Variants in PRKAA2 observed in about 807,000 individuals in gnomAD.
The protein encoded by PRKAA2 is 5'-AMP-activated protein kinase catalytic subunit alpha-2.
A neutral mutation model predicts 56.3 loss-of-function variants in PRKAA2; 40 were observed. The ratio of observed to expected loss-of-function variants is 0.71; its 90% confidence interval spans 0.55 to 0.92. PRKAA2 has a LOEUF of 0.92. Among genes scored for constraint, PRKAA2 ranks in the 40% least tolerant of loss-of-function variants. PRKAA2 has a pLI of 0.00. For missense variants in PRKAA2, 542 were observed against 686.9 expected (o/e 0.79, Z 2.36); for synonymous variants, 214 against 234.2 (o/e 0.91, Z 0.79).
chr1:56,680,219 T>G (rs1240075685), intron 2 of PRKAA2, among the ~76,000 whole-genome samples: 2 of 152,178 alleles, frequency 1.3e-5, no homozygotes, highest in African/African-American at 4.8e-5. Context: ...AGGCTCTAAC[T>G]CCTCTTTGCT....
intron 1 of PRKAA2, among the ~76,000 whole-genome samples, chr1:56,654,767 AG>A (rs1187170605): frequency 6.6e-6 from 1 of 152,122 alleles, no homozygotes; most frequent in East Asian, 1.9e-4. Context: ...CACCCCTTCA[AG>A]GGAACAGTAT....
intron 2 of PRKAA2, among the ~76,000 whole-genome samples, chr1:56,680,511 C>A (rs1409449084): frequency 1.3e-5 from 2 of 152,162 alleles, no homozygotes; most frequent in Non-Finnish European, 2.9e-5. Flanking sequence ...CTCCCCTCTC[C>A]TGCCACCCCA....
chr1:56,670,900 G>A (rs1258257781), intron 1 of PRKAA2, among the ~76,000 whole-genome samples: 1 of 152,058 alleles, frequency 6.6e-6, no homozygotes. Context: ...TACTGTACAA[G>A]ATTTATTTCA....
intron 1 of PRKAA2, among the ~76,000 whole-genome samples, chr1:56,659,340 AC>A (rs1297235465): frequency 7.3e-5 from 11 of 151,542 alleles, no homozygotes; most frequent in Non-Finnish European, 1.6e-4. Flanking sequence ...TACTAAAAAT[AC>A]AAAAAATGAG....
chr1:56,655,260 T>TTATATACA lies in PRKAA2; in HGVS notation c.94+9785_94+9786insCATATATA, dbSNP rs368198472. Reference sequence around the variant, plus strand: ...TTACTGTTTCTCACAATGTATGTATTTATATATCTATATATATATATTTTT... The same window carrying TTATATACA: ...TTACTGTTTCTCACAATGTATGTATTTATATACATATATATCTATATATATATATTTTT... On this transcript the variant is annotated intron_variant, in intron 1 of 8. Transcript: ENST00000371244. Among the ~76,000 whole-genome samples the TTATATACA allele has an allele frequency of 2.5e-3, 182 of 71,582 alleles. 21 individuals are homozygous for TTATATACA. In the Middle Eastern group the frequency reaches 0.036, roughly 14 times the overall value. 47.0% of individuals were successfully genotyped at this position (71,582 alleles called of 152,430 possible).
chr1:56,673,106 G>A (rs765711454), intron 1 of PRKAA2, among the ~76,000 whole-genome samples: 2 of 151,968 alleles, frequency 1.3e-5, no homozygotes, highest in Non-Finnish European at 2.9e-5. Flanking sequence ...GGAAATTGGG[G>A]TTCACCTGTA....
In PRKAA2 at chr1:56,677,607, T is replaced by A. The variant is rs72907304; in HGVS notation, c.236+3085T>A. ...AAAAACACAAATCAGATTTTATCAA[T>A]AAGCAGTTGCAATTGTCATAATTGT... is the stretch of plus-strand genomic sequence containing the variant. On this transcript the variant is annotated intron_variant, in intron 2 of 8. Coordinates refer to ENST00000371244, the MANE Select transcript of PRKAA2 (RefSeq NM_006252.4). Among the ~76,000 whole-genome samples, 143 of 152,012 alleles carry A rather than the reference T, an allele frequency of 9.4e-4. 1 individual carries two copies. Among genetic ancestry groups the A allele is most frequent in the African/African-American group, 3.3e-3 (138 of 41,478 alleles).
At chr1:56,695,438 G>A (rs1015798351) in intron 5 of PRKAA2, among the ~76,000 whole-genome samples, 2 of 151,760 alleles carry the variant, frequency 1.3e-5, no homozygotes, top group African/African-American at 2.4e-5. Flanking sequence ...CAATCCGCCC[G>A]CCTCAGCCTC....
At chr1:56,685,832 G>T (rs1312359327) in intron 2 of PRKAA2, among the ~76,000 whole-genome samples, 1 of 152,120 alleles carries the variant, frequency 6.6e-6, no homozygotes, top group Non-Finnish European at 1.5e-5. Flanking sequence ...AATTAGAAGA[G>T]ACATAAGAGA....
rs767110184 is a variant in PRKAA2 at position 56,707,733 on chromosome 1, T to C, written c.*20T>C. The C allele has an allele frequency of 1.9e-6, 3 of 1,544,012 alleles. No individual in the cohort carries two copies. In the Admixed American group the frequency reaches 5.0e-5, roughly 26 times the overall value. Reference sequence around the variant, plus strand: ...CGTTGATCTGTCTCTAGTTTCTTTCTGTTATTGCACTATGAAAATCAGTTA... The same window carrying C: ...CGTTGATCTGTCTCTAGTTTCTTTCCGTTATTGCACTATGAAAATCAGTTA... On this transcript the variant is annotated 3_prime_UTR_variant, in exon 9 of 9. Coordinates refer to ENST00000371244, the MANE Select transcript of PRKAA2 (RefSeq NM_006252.4).
chr1:56,687,719 C>G (rs1361208342), intron 2 of PRKAA2, among the ~76,000 whole-genome samples: 7 of 152,106 alleles, frequency 4.6e-5, no homozygotes, highest in Middle Eastern at 3.2e-3. Flanking sequence ...AAAGAAAAAT[C>G]TTATGTGTAT....
chr1:56,695,569 T>C (rs968473133), intron 5 of PRKAA2, among the ~76,000 whole-genome samples: 1 of 152,178 alleles, frequency 6.6e-6, no homozygotes, highest in African/African-American at 2.4e-5. Context: ...TTTCTTGTAA[T>C]AGTTCTTTGG....
chr1:56,662,703 G>A (rs1166067258), intron 1 of PRKAA2, among the ~76,000 whole-genome samples: 1 of 152,132 alleles, frequency 6.6e-6, no homozygotes, highest in African/African-American at 2.4e-5. Flanking sequence ...CCATGTCAGT[G>A]CAGTCTTTTT....
In PRKAA2 at chr1:56,703,955, G is replaced by C. The variant is rs1644313784; in HGVS notation, c.789-16G>C. On this transcript the variant is annotated splice_polypyrimidine_tract_variant and intron_variant, in intron 6 of 8. Transcript: ENST00000371244. ...AAACCATGTCTTACAATAATGTATT[G>C]TGGTGTTTTTCCTAGAGAGCATGAA... 6.3e-7 allele frequency: 1 copy of C among 1,584,258 alleles called. No individual in the cohort carries two copies. The highest frequency in any genetic ancestry group is 8.6e-7 in the Non-Finnish European group (1 of 1,165,260).
chr1:56,667,917 T>C (rs1450426271), intron 1 of PRKAA2, among the ~76,000 whole-genome samples: 4 of 152,136 alleles, frequency 2.6e-5, no homozygotes, highest in African/African-American at 9.7e-5. Flanking sequence ...TTAGTGCACA[T>C]TTTCTTTTTA....
At chr1:56,650,218 GT>G (rs1400383190) in intron 1 of PRKAA2, among the ~76,000 whole-genome samples, 1 of 152,120 alleles carries the variant, frequency 6.6e-6, no homozygotes, top group Non-Finnish European at 1.5e-5. Context: ...GTTTTAATTT[GT>G]TTTTTAAAAG....
intron 2 of PRKAA2, among the ~76,000 whole-genome samples, chr1:56,690,961 C>T (rs1215025484): frequency 6.6e-6 from 1 of 152,078 alleles, no homozygotes; most frequent in Non-Finnish European, 1.5e-5. Context: ...GTCAATTCCC[C>T]AAAACATTGC....
chr1:56,665,404 G>A (rs1286756279), intron 1 of PRKAA2, among the ~76,000 whole-genome samples: 1 of 152,094 alleles, frequency 6.6e-6, no homozygotes, highest in Non-Finnish European at 1.5e-5. Context: ...TACAATGTAC[G>A]AGTACTTTTC....
chr1:56,687,501 G>A (rs986765227), intron 2 of PRKAA2, among the ~76,000 whole-genome samples: 1 of 152,150 alleles, frequency 6.6e-6, no homozygotes, highest in Non-Finnish European at 1.5e-5. Flanking sequence ...TGCATTGGGT[G>A]AGAAGCAATG....
Sources: gnomAD v4.1 joint callset for allele counts (sites outside exome capture counted in the v4.1 genomes callset) on GRCh38, gnomAD v4.1.1 for gene constraint, MANE v1.5 for transcripts, NCBI Gene and HGNC (gene_info 2026-07-23, HGNC 2026-07-21) for gene names.